ANO4: variants seen among roughly 807,000 people sequenced by gnomAD.
ANO4 encodes anoctamin 4.
A neutral mutation model predicts 141.9 loss-of-function variants in ANO4; 69 were observed. The ratio of observed to expected loss-of-function variants is 0.49; its 90% CI spans 0.40 to 0.59. ANO4 has a LOEUF of 0.59. ANO4 is among the 20% of genes least tolerant of loss of function. The pLI is 0.00. For missense variants in ANO4, 894 were observed against 1,162.2 expected (o/e 0.77, Z 3.36); for synonymous variants, 350 against 394.3 (o/e 0.89, Z 1.33).
At chr12:100,866,619 G>A (rs1475621439) in intron 1 of ANO4, among the ~76,000 whole-genome samples, 1 of 152,106 alleles carries the variant, frequency 6.6e-6, no homozygotes, top group Non-Finnish European at 1.5e-5. Context: ...AACTACCTAG[G>A]GGCTGTCTTT....
intron 1 of ANO4, among the ~76,000 whole-genome samples, chr12:100,857,569 C>T (rs1044600371): frequency 3.9e-5 from 6 of 152,130 alleles, no homozygotes; most frequent in African/African-American, 1.4e-4. Flanking sequence ...TTATAAACTC[C>T]AGGCCATATT....
At chr12:100,835,158 C>A (rs1277239371) in intron 1 of ANO4, among the ~76,000 whole-genome samples, 1 of 152,140 alleles carries the variant, frequency 6.6e-6, no homozygotes, top group Non-Finnish European at 1.5e-5. Flanking sequence ...GCTAACTGCA[C>A]CCAGGCAGGA....
At chr12:100,752,487 A>C (rs931846717) in intron 3 of ANO4, among the ~76,000 whole-genome samples, 1 of 152,202 alleles carries the variant, frequency 6.6e-6, no homozygotes, top group African/African-American at 2.4e-5. Context: ...GTCAAGATCC[A>C]TTAAACAGAT....
chr12:100,822,184 G>A (rs1291756382), intron 1 of ANO4, among the ~76,000 whole-genome samples: 1 of 151,930 alleles, frequency 6.6e-6, no homozygotes, highest in Non-Finnish European at 1.5e-5. Context: ...ACCTAAACAA[G>A]GCAAATAAAG....
intron 8 of ANO4, among the ~76,000 whole-genome samples, chr12:101,002,689 C>G (rs1281877402): frequency 1.3e-5 from 2 of 152,164 alleles, no homozygotes; most frequent in Non-Finnish European, 2.9e-5. Context: ...CTCATGCAGA[C>G]AGCATTAGAC....
In ANO4 at chr12:100,753,195, A is replaced by G. The variant is rs575038264; in HGVS notation, c.358+13090A>G. ...AGTTCATCAGCCAAAGCCATGCCAC[A>G]TGGATGAGCCCAAAATTAAAGATGG... On this transcript the variant is annotated intron_variant, in intron 3 of 29. Transcript: ENST00000644049. Among the ~76,000 whole-genome samples the G allele has an allele frequency of 3.3e-5, 5 of 152,326 alleles. No homozygotes were observed. The South Asian group carries it at 8.3e-4, about 25-fold the overall frequency.
At chr12:100,806,438 GCTAA>G (rs1175308112) in intron 1 of ANO4, among the ~76,000 whole-genome samples, 2 of 149,780 alleles carry the variant, frequency 1.3e-5, no homozygotes, top group Non-Finnish European at 3.0e-5. Flanking sequence ...TCTTCTATGA[GCTAA>G]CTCTTTGTTC....
intron 3 of ANO4, among the ~76,000 whole-genome samples, chr12:100,748,384 T>G (rs2032208326): frequency 1.3e-5 from 2 of 152,130 alleles, no homozygotes; most frequent in Admixed American, 1.3e-4. Flanking sequence ...TGCTCCCTTG[T>G]AGAGAAGCTG....
chr12:101,117,684 A>G (rs1248612661), intron 25 of ANO4, among the ~76,000 whole-genome samples: 3 of 152,168 alleles, frequency 2.0e-5, no homozygotes, highest in Non-Finnish European at 2.9e-5. Context: ...CATTCAAACT[A>G]TGGAGCAAGA....
At chr12:100,773,287 C>G (rs549577933) in intron 3 of ANO4, among the ~76,000 whole-genome samples, 25 of 152,190 alleles carry the variant, frequency 1.6e-4, no homozygotes, top group Non-Finnish European at 3.2e-4. Flanking sequence ...ATACCATCAC[C>G]TTAGGGTTTA....
At chr12:100,755,673 C>G (rs1295380005) in intron 3 of ANO4, among the ~76,000 whole-genome samples, 1 of 152,110 alleles carries the variant, frequency 6.6e-6, no homozygotes, top group Non-Finnish European at 1.5e-5. Context: ...CATCTAATTA[C>G]CATTAATTGT....
Position 100,916,213 on chromosome 12 carries a change from T to A in ANO4, c.56-6013T>A, listed in dbSNP as rs560061212. Among the ~76,000 whole-genome samples the A allele has an allele frequency of 1.8e-3, 268 of 152,318 alleles. 1 individual carries two copies. Among genetic ancestry groups the A allele is most frequent in the Non-Finnish European group, 3.0e-3 (204 of 68,008 alleles). ...ACAGAGATTGCAAAAAGGGTAGCTA[T>A]TGATTTTTATTGTAAGCCCTTTGGT... On this transcript the variant is annotated intron_variant, in intron 2 of 27. Coordinates refer to ENST00000392977, the MANE Select transcript of ANO4 (RefSeq NM_001286615.2).
chr12:101,055,276 G>A (rs981727900), intron 14 of ANO4, among the ~76,000 whole-genome samples: 9 of 152,162 alleles, frequency 5.9e-5, no homozygotes, highest in Admixed American at 6.5e-5. Flanking sequence ...TGGCCATATC[G>A]TTTTGTAGTC....
intron 2 of ANO4, chr12:100,739,745 T>C: frequency 1.5e-6 from 1 of 648,730 alleles, no homozygotes; most frequent in South Asian, 1.7e-5. Context: ...CATTCTTAGC[T>C]CAAATGGTAT....
At chr12:100,972,075 A>G (rs1232762017) in intron 6 of ANO4, among the ~76,000 whole-genome samples, 1 of 152,214 alleles carries the variant, frequency 6.6e-6, no homozygotes, top group African/African-American at 2.4e-5. Flanking sequence ...TAAAATATTA[A>G]ACCTCAAATT....
rs192940668 is a variant in ANO4 at position 101,068,253 on chromosome 12, G to A, written c.1313-10940G>A. 5.7e-5 allele frequency: 82 copies of A among 1,435,842 alleles called. No homozygotes were observed. The African/African-American group carries it at 1.1e-3, about 19-fold the overall frequency. 88.9% of individuals were successfully genotyped at this position (1,435,842 alleles called of 1,614,324 possible). On this transcript the variant is annotated intron_variant, in intron 14 of 27. Coordinates refer to ENST00000392977, the MANE Select transcript of ANO4 (RefSeq NM_001286615.2). ...ACCAGCTAGAAAACATCGCTTCTGG[G>A]ACAAGAGACTCATGAGTTCCTGCCT... is the stretch of plus-strand genomic sequence containing the variant.
chr12:101,068,151 A>G (rs2048668156), intron 14 of ANO4: 4 of 843,336 alleles, frequency 4.7e-6, no homozygotes, highest in African/African-American at 3.4e-5. Context: ...GTTAAGAAAA[A>G]ACAGGAGTTG....
chr12:101,089,054 G>A (rs909112111), intron 17 of ANO4, among the ~76,000 whole-genome samples: 1 of 152,000 alleles, frequency 6.6e-6, no homozygotes, highest in African/African-American at 2.4e-5. Context: ...CCATAATGCT[G>A]AAATGCTTAC....
chr12:101,025,353 T>C (rs1432583650), intron 9 of ANO4, among the ~76,000 whole-genome samples: 1 of 152,190 alleles, frequency 6.6e-6, no homozygotes, highest in African/African-American at 2.4e-5. Context: ...AGGCAGGACC[T>C]GAAAGACTCT....
Sources: gnomAD v4.1 joint callset for allele counts (sites outside exome capture counted in the v4.1 genomes callset) on GRCh38, gnomAD v4.1.1 for gene constraint, MANE v1.5 for transcripts, NCBI Gene and HGNC (gene_info 2026-07-23, HGNC 2026-07-21) for gene names.